The following PPEF2 variants were observed in gnomAD, a reference collection of about 807,000 sequenced individuals.
PPEF2 encodes the protein protein phosphatase with EF-hand domain 2.
In PPEF2, 84 loss-of-function variants were observed where a neutral mutation model predicts 84.7. That is an observed-to-expected ratio of 0.99 (90% CI 0.83 to 1.19). PPEF2 has a LOEUF of 1.19. Among genes scored for constraint, PPEF2 ranks in the 50% most tolerant of loss-of-function variants. The pLI is 0.00. For synonymous variants in PPEF2, 346 were observed against 345.2 expected (o/e 1.00, Z -0.03); for missense variants, 924 against 937.5 (o/e 0.99, Z 0.19).
chr4:75,871,397 C>T (rs992732700), intron 13 of PPEF2, among the ~76,000 whole-genome samples: 12 of 152,122 alleles, frequency 7.9e-5, no homozygotes, highest in African/African-American at 2.2e-4. Flanking sequence ...AGAGTAACCT[C>T]AGAAAGACTT....
chr4:75,872,136 T>A lies in PPEF2; in HGVS notation c.1538A>T (p.Tyr513Phe). ...GGCCCCTCTGTTGCTGCCAACTTCA[T>A]AGTAGTTGGAGGCAGAAAAGATTGT... ...VLTIFSASNY[Y>F]EVGSNRGAYV... Residue 513 changes from tyrosine to phenylalanine, a missense_variant, in exon 13 of 17, where the codon TAT becomes TTT. Transcript: ENST00000286719. 1.2e-6 allele frequency: 2 copies of A among 1,613,734 alleles called. No individual in the cohort carries two copies. The highest frequency in any genetic ancestry group is 2.7e-5 in the African/African-American group (2 of 75,012).
At chr4:75,898,479 C>G (rs753058156) in intron 1 of PPEF2, among the ~76,000 whole-genome samples, 1 of 152,352 alleles carries the variant, frequency 6.6e-6, no homozygotes, top group South Asian at 2.1e-4. Context: ...TTAAGTATCA[C>G]CTTCCTTAAA....
rs375059583 is a variant in PPEF2 at position 75,860,168 on chromosome 4, G to A, written c.*499C>T. ...GTTCAAGACCAGCCTGACCAACATG[G>A]AGAAACCCTGTGTCTACTAAAAATA... On this transcript the variant is annotated 3_prime_UTR_variant, in exon 17 of 17. Transcript: ENST00000286719. The A allele has an allele frequency of 6.5e-4, 103 of 157,402 alleles. 1 individual carries two copies. Among genetic ancestry groups the A allele is most frequent in the African/African-American group, 2.5e-3 (102 of 41,602 alleles). 9.8% of individuals were successfully genotyped at this position (157,402 alleles called of 1,614,324 possible).
At chr4:75,884,248 T>C (rs1182319363) in intron 8 of PPEF2, among the ~76,000 whole-genome samples, 1 of 151,970 alleles carries the variant, frequency 6.6e-6, no homozygotes, top group Non-Finnish European at 1.5e-5. Flanking sequence ...CTGGCCAACA[T>C]GGTGAAGCCC....
At chr4:75,877,296 C>A (rs1265266280) in intron 10 of PPEF2, among the ~76,000 whole-genome samples, 2 of 150,824 alleles carry the variant, frequency 1.3e-5, no homozygotes, top group Non-Finnish European at 2.9e-5. Flanking sequence ...AAGATTGCAC[C>A]ATTGCACTCC....
In PPEF2 at chr4:75,882,486, T is replaced by C. The variant is rs1245894874; in HGVS notation, c.933+440A>G. ...CCCACTGGCATGTACATGGTAGACATGACTAAGTGACTACAGCACACTTGC... is the reference window on the plus strand; with the variant it reads ...CCCACTGGCATGTACATGGTAGACACGACTAAGTGACTACAGCACACTTGC... On this transcript the variant is annotated intron_variant, in intron 10 of 16. Transcript: ENST00000286719. 2.0e-5 allele frequency among the ~76,000 whole-genome samples: 3 copies of C among 151,938 alleles called. No homozygotes were observed. The East Asian group carries it at 5.8e-4, about 29-fold the overall frequency.
chr4:75,879,059 GT>G (rs1216454869), intron 10 of PPEF2, among the ~76,000 whole-genome samples: 1 of 152,100 alleles, frequency 6.6e-6, no homozygotes, highest in African/African-American at 2.4e-5. Flanking sequence ...ATTAATGACT[GT>G]TTTCCCCATC....
rs1723974404 is a variant in PPEF2, at chr4:75,860,663, G to C, written c.*4C>G. On this transcript the variant is annotated 3_prime_UTR_variant, in exon 17 of 17. Coordinates refer to ENST00000286719, the MANE Select transcript of PPEF2 (RefSeq NM_006239.3). ...CACTTTGGGTGATGAAGACCAGGCTGTTCTTAGTGTGCACCTGGACTGCTG... is the reference window on the plus strand; with the variant it reads ...CACTTTGGGTGATGAAGACCAGGCTCTTCTTAGTGTGCACCTGGACTGCTG... 1 of 1,613,628 alleles carries C rather than the reference G, an allele frequency of 6.2e-7. No individual in the cohort carries two copies.
chr4:75,867,086 G>C (rs7672213), intron 14 of PPEF2, among the ~76,000 whole-genome samples: 150,982 of 152,284 alleles, frequency 0.99, 74,860 homozygotes, highest in Middle Eastern at 1. Context: ...GACTCTATTT[G>C]TTTTCACCCT....
chr4:75,866,015 A>G (rs779692480), intron 15 of PPEF2, among the ~76,000 whole-genome samples, 174 bp downstream of exon 15: 8 of 152,218 alleles, frequency 5.3e-5, no homozygotes, highest in Non-Finnish European at 1.0e-4. Flanking sequence ...GAGGCAATGT[A>G]TGAAAACCAC....
intron 12 of PPEF2, 64 bp from the exon 13 acceptor site, chr4:75,872,231 T>C: frequency 6.7e-7 from 1 of 1,487,482 alleles, no homozygotes; most frequent in Non-Finnish European, 9.1e-7. Context: ...CCCTCAATCC[T>C]ATGTGGCCCA....
At position 75,865,959 on chromosome 4, in the gene PPEF2, T is replaced by C. The variant is rs927137405; in HGVS notation, c.1920+230A>G. Among the ~76,000 whole-genome samples, 17 of 152,140 alleles carry C rather than the reference T, an allele frequency of 1.1e-4. 1 individual carries two copies. The highest frequency in any genetic ancestry group is 7.9e-4 in the Admixed American group (12 of 15,262). On this transcript the variant is annotated intron_variant, in intron 15 of 16. Transcript: ENST00000286719. ...GTGGGCAGTGTCCTCATACGTGTAA[T>C]GGTGCTGATAATATGTACTTCTTGG...
intron 10 of PPEF2, among the ~76,000 whole-genome samples, chr4:75,877,435 GGGAAGGAA>G: frequency 6.6e-6 from 1 of 151,550 alleles, no homozygotes; most frequent in South Asian, 2.1e-4. Flanking sequence ...AAGGAAAGAA[GGGAAGGAA>G]GGAAGGAAGG....
chr4:75,860,714 C>A lies in PPEF2; in HGVS notation c.2215G>T (p.Ala739Ser). Residue 739 changes from alanine to serine, a missense_variant, in exon 17 of 17, where the codon GCT becomes TCT. Coordinates refer to ENST00000286719, the MANE Select transcript of PPEF2 (RefSeq NM_006239.3). Reference sequence around the variant, plus strand: ...CAGCCACTGTCTTTAGCATTTGTAGCTTGTGGGCATTCTGAGGCATCGCCC... The same window carrying A: ...CAGCCACTGTCTTTAGCATTTGTAGATTGTGGGCATTCTGAGGCATCGCCC... ...PEGDASECPQ[A>S]TNAKDSGCSS... is the part of the protein sequence containing the mutation. The A allele has an allele frequency of 6.2e-7, 1 of 1,614,208 alleles. No individual in the cohort carries two copies. The highest frequency in any genetic ancestry group is 8.5e-7 in the Non-Finnish European group (1 of 1,180,002).
chr4:75,900,344 G>A (rs938468551), intron 1 of PPEF2, among the ~76,000 whole-genome samples: 4 of 152,194 alleles, frequency 2.6e-5, no homozygotes, highest in Non-Finnish European at 4.4e-5. Flanking sequence ...GAGTAAGGAA[G>A]TTGATATCTA....
chr4:75,872,282 G>T (rs552279420), intron 12 of PPEF2, 115 bp from the exon 13 acceptor site: 3 of 995,272 alleles, frequency 3.0e-6, no homozygotes, highest in African/African-American at 1.6e-5. Flanking sequence ...GTGCTCATCT[G>T]GGAATCCTTT....
intron 10 of PPEF2, among the ~76,000 whole-genome samples, chr4:75,880,093 G>T (rs1425119453): frequency 6.6e-6 from 1 of 152,194 alleles, no homozygotes; most frequent in East Asian, 1.9e-4. Context: ...CTCCCAAAAT[G>T]CTGGGATTAC....
At chr4:75,884,844 C>T in intron 7 of PPEF2, 84 bp from the exon 8 acceptor site, 1 of 1,184,854 alleles carries the variant, frequency 8.4e-7, no homozygotes, top group Non-Finnish European at 1.2e-6. Flanking sequence ...ATTTGACAAT[C>T]ACATCATGTC....
At chr4:75,863,923 A>C (rs955122241) in intron 16 of PPEF2, among the ~76,000 whole-genome samples, 2 of 147,644 alleles carry the variant, frequency 1.4e-5, no homozygotes, top group Non-Finnish European at 3.0e-5. Flanking sequence ...CCGAGGCTGG[A>C]GTCCAGTGGC....
Sources: allele counts gnomAD v4.1 joint callset (sites outside exome capture counted in the v4.1 genomes callset), GRCh38; gene constraint gnomAD v4.1.1; transcripts MANE v1.5; gene names NCBI Gene and HGNC (gene_info 2026-07-23, HGNC 2026-07-21).